PLEKHM3: variants seen among roughly 807,000 people sequenced by gnomAD.
The protein encoded by PLEKHM3 is pleckstrin homology domain-containing family M member 3.
Under a neutral mutation model 81.8 loss-of-function variants are expected in PLEKHM3, and 45 were observed. That is an observed-to-expected ratio of 0.55 (90% CI 0.43 to 0.71). PLEKHM3 has a LOEUF of 0.71. Ranked by LOEUF, PLEKHM3 falls within the 30% of genes least tolerant of loss-of-function variation. PLEKHM3 has a pLI of 0.00. For synonymous variants in PLEKHM3, 352 were observed against 356.4 expected, an observed-to-expected ratio of 0.99 and a Z score of 0.14; for missense variants, 788 against 924.3, an observed-to-expected ratio of 0.85 and a Z score of 1.91.
chr2:207,963,492 A>G (rs1019623584), intron 3 of PLEKHM3, among the ~76,000 whole-genome samples: 2 of 152,198 alleles, frequency 1.3e-5, no homozygotes, highest in African/African-American at 4.8e-5. Flanking sequence ...TTGAGACAAG[A>G]TTTAGAAAAA....
chr2:207,991,076 A>G (rs1691886260), intron 2 of PLEKHM3, among the ~76,000 whole-genome samples: 1 of 152,200 alleles, frequency 6.6e-6, no homozygotes, highest in South Asian at 2.1e-4. Flanking sequence ...CACAGATCCA[A>G]CTTTTTAAAA....
At chr2:207,873,327 C>A (rs2092544628) in intron 6 of PLEKHM3, among the ~76,000 whole-genome samples, 1 of 152,146 alleles carries the variant, frequency 6.6e-6, no homozygotes, top group Non-Finnish European at 1.5e-5. Context: ...AGCTCTATGA[C>A]CTTTTCTGTT....
At chr2:207,910,506 G>A (rs2105904437) in intron 5 of PLEKHM3, among the ~76,000 whole-genome samples, 1 of 152,270 alleles carries the variant, frequency 6.6e-6, no homozygotes, top group Admixed American at 6.5e-5. Context: ...AGGAAACTGA[G>A]GCACAGAGGC....
At chr2:207,978,407 A>C (rs1359120757) in intron 2 of PLEKHM3, among the ~76,000 whole-genome samples, 2 of 151,966 alleles carry the variant, frequency 1.3e-5, no homozygotes, top group African/African-American at 4.8e-5. Flanking sequence ...CCAAATACAC[A>C]AGAGAGAACG....
At chr2:207,923,899 A>ATT (rs1559238875) in intron 5 of PLEKHM3, among the ~76,000 whole-genome samples, 12 of 82,578 alleles carry the variant, frequency 1.5e-4, no homozygotes, top group South Asian at 3.7e-4. Flanking sequence ...ATATATATAT[A>ATT]TATATATTTT....
chr2:207,880,762 C>CAAAAAAAAAAA lies in PLEKHM3; in HGVS notation c.1951-19511_1951-19501dup, dbSNP rs61384566. On this transcript the variant is annotated intron_variant, in intron 6 of 7. Transcript: ENST00000427836. ...TGGGAGACACAGCGAGACTCTGTCT[C>CAAAAAAAAAAA]AAAAAAAAAAAAAAAAAAAAAAAAA... Among the ~76,000 whole-genome samples the CAAAAAAAAAAA allele has an allele frequency of 9.5e-3, 66 of 6,964 alleles. 13 individuals carry two copies. Among genetic ancestry groups the CAAAAAAAAAAA allele is most frequent in the South Asian group, 0.071 (2 of 28 alleles). 4.6% of individuals were successfully genotyped at this position (6,964 alleles called of 152,430 possible).
intron 6 of PLEKHM3, chr2:207,899,985 C>T (rs1181817881): frequency 6.6e-6 from 1 of 152,012 alleles, no homozygotes; most frequent in East Asian, 1.9e-4. Context: ...ACTATTACTG[C>T]AAAACAAATT....
intron 7 of PLEKHM3, among the ~76,000 whole-genome samples, chr2:207,832,844 G>A (rs2092296103): frequency 6.6e-6 from 1 of 151,548 alleles, no homozygotes; most frequent in Non-Finnish European, 1.5e-5. Flanking sequence ...GGGTGCGGTG[G>A]CTCATGCCTG....
At chr2:208,024,274 T>G (rs551771462) in intron 1 of PLEKHM3, among the ~76,000 whole-genome samples, 10 of 152,186 alleles carry the variant, frequency 6.6e-5, no homozygotes, top group Non-Finnish European at 1.3e-4. Context: ...TGCCCAAGAT[T>G]ACACAACTAG....
intron 3 of PLEKHM3, among the ~76,000 whole-genome samples, chr2:207,970,643 C>T (rs1217419375): frequency 6.6e-6 from 1 of 152,148 alleles, no homozygotes; most frequent in Non-Finnish European, 1.5e-5. Flanking sequence ...CCACTCAGAC[C>T]CTGCCACTTT....
intron 1 of PLEKHM3, among the ~76,000 whole-genome samples, chr2:208,005,912 C>T (rs569270387): frequency 9.9e-5 from 15 of 152,262 alleles, no homozygotes; most frequent in East Asian, 9.7e-4. Flanking sequence ...AAGTTCTTGA[C>T]GAACACCCAC....
At chr2:207,899,624 C>T (rs1000488272) in intron 6 of PLEKHM3, among the ~76,000 whole-genome samples, 8 of 152,192 alleles carry the variant, frequency 5.3e-5, no homozygotes, top group Non-Finnish European at 1.2e-4. Context: ...CTCAATTCCT[C>T]GTTCTTGCAC....
intron 2 of PLEKHM3, among the ~76,000 whole-genome samples, chr2:208,000,564 T>A (rs926735837): frequency 6.6e-6 from 1 of 152,276 alleles, no homozygotes; most frequent in East Asian, 1.9e-4. Flanking sequence ...TGGTGTTGGA[T>A]CCCCTCAGCT....
At chr2:207,952,212 T>A (rs1426128182) in intron 3 of PLEKHM3, among the ~76,000 whole-genome samples, 1 of 152,070 alleles carries the variant, frequency 6.6e-6, no homozygotes, top group Non-Finnish European at 1.5e-5. Context: ...TAGAAAAAAA[T>A]ATCTGGCGAG....
At chr2:207,919,741 T>C (rs1689119363) in intron 5 of PLEKHM3, among the ~76,000 whole-genome samples, 1 of 152,162 alleles carries the variant, frequency 6.6e-6, no homozygotes, top group South Asian at 2.1e-4. Context: ...GTTAAGACGT[T>C]ATTAGACAGC....
In PLEKHM3 at chr2:207,827,624, A is replaced by C. The variant is rs1048206488; in HGVS notation, c.*695T>G. 1 of 152,176 alleles carries C rather than the reference A, an allele frequency of 6.6e-6. No homozygotes were observed. Among genetic ancestry groups the C allele is most frequent in the Non-Finnish European group, 1.5e-5 (1 of 68,040 alleles). The allele number at this position is 152,176 out of a possible 1,614,324, so 9.4% of individuals were successfully genotyped here. A position where few individuals can be genotyped will look rare whatever the true frequency, so the allele number is the denominator to read the frequency against. On this transcript the variant is annotated 3_prime_UTR_variant, in exon 8 of 8. Coordinates refer to ENST00000427836, the MANE Select transcript of PLEKHM3 (RefSeq NM_001080475.3). ...GGTCGCAGAGGTTTCTTCTCTTCTC[A>C]GGAAAAAAACTTCTGAGATTAACTT...
chr2:207,991,238 A>G (rs1691891934), intron 2 of PLEKHM3, among the ~76,000 whole-genome samples: 1 of 152,202 alleles, frequency 6.6e-6, no homozygotes, highest in South Asian at 2.1e-4. Context: ...TATAGGAATT[A>G]AATATAAAAG....
At chr2:207,852,568 T>C (rs921726153) in intron 7 of PLEKHM3, among the ~76,000 whole-genome samples, 1 of 152,196 alleles carries the variant, frequency 6.6e-6, no homozygotes, top group Non-Finnish European at 1.5e-5. Flanking sequence ...ATGTTTGCTA[T>C]ATAGTCATAA....
At chr2:207,882,468 C>T (rs145834787) in intron 6 of PLEKHM3, among the ~76,000 whole-genome samples, 5,430 of 151,886 alleles carry the variant, frequency 0.036, 321 homozygotes, top group African/African-American at 0.12. Flanking sequence ...AAAAATTAGC[C>T]GGGCATGGTC....
Sources: allele counts gnomAD v4.1 joint callset (sites outside exome capture counted in the v4.1 genomes callset), GRCh38; gene constraint gnomAD v4.1.1; transcripts MANE v1.5; gene names NCBI Gene and HGNC (gene_info 2026-07-23, HGNC 2026-07-21).